The following LRRC28 variants were observed in gnomAD, a reference collection of about 807,000 sequenced individuals.
LRRC28 encodes the protein leucine rich repeat containing 28.
LRRC28 carries 39 observed loss-of-function variants against 45.7 expected under a neutral mutation model. The observed-to-expected ratio is 0.85, with a 90% CI of 0.66 to 1.12. The LOEUF is 1.12. Among genes scored for constraint, LRRC28 ranks in the 50% most tolerant of loss-of-function variants. LRRC28 has a pLI of 0.00. For missense variants in LRRC28, 435 were observed against 438.5 expected, an observed-to-expected ratio of 0.99 and a Z score of 0.07; for synonymous variants, 206 against 178.8, an observed-to-expected ratio of 1.15 and a Z score of -1.22.
intron 2 of LRRC28, among the ~76,000 whole-genome samples, chr15:99,261,135 A>G (rs2081186576): frequency 6.6e-6 from 1 of 152,226 alleles, no homozygotes; most frequent in Admixed American, 6.5e-5. Flanking sequence ...ATTGCATGAC[A>G]AAAGTCCAGA....
intron 1 of LRRC28, among the ~76,000 whole-genome samples, chr15:99,253,191 G>T (rs1397086941): frequency 1.3e-5 from 2 of 152,022 alleles, no homozygotes; most frequent in Non-Finnish European, 2.9e-5. Context: ...TGCGATCTCG[G>T]TTTACTGCAA....
chr15:99,316,696 G>C (rs1229059421), intron 5 of LRRC28, among the ~76,000 whole-genome samples: 1 of 135,748 alleles, frequency 7.4e-6, no homozygotes, highest in African/African-American at 2.8e-5. Context: ...TTTGAGGTAG[G>C]ATTTAAATAG....
At chr15:99,252,510 T>C (rs1324775895) in intron 1 of LRRC28, among the ~76,000 whole-genome samples, 2 of 152,226 alleles carry the variant, frequency 1.3e-5, no homozygotes, top group Admixed American at 1.3e-4. Context: ...TTTTGCATTA[T>C]AGGGCGGCGG....
intron 5 of LRRC28, among the ~76,000 whole-genome samples, chr15:99,327,304 A>T (rs1956017430): frequency 6.6e-6 from 1 of 152,092 alleles, no homozygotes; most frequent in South Asian, 2.1e-4. Flanking sequence ...CAATCACCTG[A>T]CCTCAAGTGA....
At chr15:99,290,069 C>T (rs1485212646) in intron 5 of LRRC28, among the ~76,000 whole-genome samples, 1 of 151,004 alleles carries the variant, frequency 6.6e-6, no homozygotes, top group East Asian at 2.0e-4. Flanking sequence ...ACCAGCCTGG[C>T]TAACATGGTG....
intron 2 of LRRC28, among the ~76,000 whole-genome samples, chr15:99,275,393 G>A (rs2081590853): frequency 6.6e-6 from 1 of 152,136 alleles, no homozygotes; most frequent in Admixed American, 6.5e-5. Context: ...CTGGACCTGT[G>A]GCCAGGTCTG....
At chr15:99,282,639 C>T (rs1207369418) in intron 3 of LRRC28, among the ~76,000 whole-genome samples, 1 of 152,138 alleles carries the variant, frequency 6.6e-6, no homozygotes, top group East Asian at 1.9e-4. Context: ...AGATTTGTAG[C>T]CTAAGAGCAA....
In LRRC28 at chr15:99,264,755, T is replaced by TC. The variant is rs374192625; in HGVS notation, c.168+8636dup. Among the ~76,000 whole-genome samples, 158 of 152,240 alleles carry TC rather than the reference T, an allele frequency of 1.0e-3. 4 individuals are homozygous for TC. Among genetic ancestry groups the TC allele is most frequent in the African/African-American group, 3.4e-3 (140 of 41,534 alleles). On this transcript the variant is annotated intron_variant, in intron 2 of 9. Transcript: ENST00000301981. ...TTTTCTTTTCTTTTCCCTTTCCTTT[T>TC]CCCCCCTCTCTTCTCTTTTCTAAGA...
intron 6 of LRRC28, among the ~76,000 whole-genome samples, chr15:99,347,241 C>A (rs375860200): frequency 6.6e-6 from 1 of 151,452 alleles, no homozygotes; most frequent in Non-Finnish European, 1.5e-5. Context: ...ATGGAGTCTC[C>A]CTCTGTCACC....
chr15:99,277,981 G>T (rs920460721), intron 3 of LRRC28, among the ~76,000 whole-genome samples: 1 of 151,984 alleles, frequency 6.6e-6, no homozygotes, highest in Non-Finnish European at 1.5e-5. Context: ...GTTGTATTTT[G>T]TATATATGAA....
rs1956219427 is a variant in LRRC28, at chr15:99,333,418, T to A, written c.386-505T>A. On this transcript the variant is annotated intron_variant, in intron 5 of 9. Transcript: ENST00000301981. ...TTTATTGTTACAATCTTTACCATGG[T>A]GAAAATTTCCAAAAGACATTCTAAT... Among the ~76,000 whole-genome samples the A allele has an allele frequency of 1.3e-5, 2 of 152,350 alleles. 1 individual carries two copies. Among genetic ancestry groups the A allele is most frequent in the South Asian group, 4.1e-4 (2 of 4,824 alleles).
At chr15:99,253,694 G>T (rs1415755966) in intron 1 of LRRC28, among the ~76,000 whole-genome samples, 1 of 152,236 alleles carries the variant, frequency 6.6e-6, no homozygotes, top group Non-Finnish European at 1.5e-5. Context: ...GATGTAATTG[G>T]ATGTACATTT....
intron 5 of LRRC28, among the ~76,000 whole-genome samples, chr15:99,300,012 G>A (rs1027964794): frequency 1.3e-5 from 2 of 152,146 alleles, no homozygotes; most frequent in Non-Finnish European, 2.9e-5. Flanking sequence ...TAATCTGAAA[G>A]AGAATTAAAG....
At chr15:99,318,442 A>G (rs1200532698) in intron 5 of LRRC28, among the ~76,000 whole-genome samples, 2 of 152,076 alleles carry the variant, frequency 1.3e-5, no homozygotes, top group Admixed American at 6.5e-5. Context: ...TTATTATAGA[A>G]GTAGTTCATA....
At chr15:99,273,886 C>G (rs997291846) in intron 2 of LRRC28, among the ~76,000 whole-genome samples, 1 of 152,160 alleles carries the variant, frequency 6.6e-6, no homozygotes, top group South Asian at 2.1e-4. Flanking sequence ...CAAATCTTTC[C>G]TTTTTATAGG....
In LRRC28 at chr15:99,387,156, G is replaced by T. The variant is rs1037744170; in HGVS notation, c.*1054G>T. ...GCTCACTGCAAGCTCCGCCTCCCGGGTTCACGCCATTCTCCTGCCTCAGCC... is the reference window on the plus strand; with the variant it reads ...GCTCACTGCAAGCTCCGCCTCCCGGTTTCACGCCATTCTCCTGCCTCAGCC... On this transcript the variant is annotated 3_prime_UTR_variant, in exon 10 of 10. Transcript: ENST00000301981. 2 of 149,608 alleles carry T rather than the reference G, an allele frequency of 1.3e-5. No homozygotes were observed. Among genetic ancestry groups the T allele is most frequent in the Non-Finnish European group, 3.0e-5 (2 of 67,220 alleles). 9.3% of individuals were successfully genotyped at this position (149,608 alleles called of 1,614,324 possible). A position where few individuals can be genotyped will look rare whatever the true frequency, so the allele number is the denominator to read the frequency against.
At chr15:99,325,283 A>G (rs530723986) in intron 5 of LRRC28, among the ~76,000 whole-genome samples, 3 of 152,250 alleles carry the variant, frequency 2.0e-5, no homozygotes, top group East Asian at 1.9e-4. Context: ...TTGATCTTGT[A>G]TCTAGCAACC....
At chr15:99,344,693 A>ATCC (rs1956624823) in intron 6 of LRRC28, among the ~76,000 whole-genome samples, 1 of 152,264 alleles carries the variant, frequency 6.6e-6, no homozygotes, top group Non-Finnish European at 1.5e-5. Context: ...ACATAGGGAA[A>ATCC]GAAGACTAAA....
At chr15:99,251,928 C>T (rs1235472896) in intron 1 of LRRC28, 1 of 152,224 alleles carries the variant, frequency 6.6e-6, no homozygotes, top group East Asian at 1.9e-4. Context: ...TTATAGTTCT[C>T]TAATCTCCAG....
Sources: gnomAD v4.1 joint callset for allele counts (sites outside exome capture counted in the v4.1 genomes callset) on GRCh38, gnomAD v4.1.1 for gene constraint, MANE v1.5 for transcripts, NCBI Gene and HGNC (gene_info 2026-07-23, HGNC 2026-07-21) for gene names.